Variants in COL14A1 observed in about 807,000 individuals in gnomAD.
COL14A1 encodes the protein collagen alpha-1(XIV) chain.
Under a neutral mutation model 230.3 loss-of-function variants are expected in COL14A1, and 136 were observed. The ratio of observed to expected loss-of-function variants is 0.59; its 90% CI spans 0.51 to 0.68. The LOEUF (loss-of-function observed/expected upper bound fraction) is 0.68, where lower values mean the gene tolerates loss of function less well. COL14A1 is among the 30% of genes least tolerant of loss of function. The pLI, the probability that COL14A1 is intolerant of heterozygous loss-of-function variation, is 0.00. For missense variants in COL14A1, 1,976 were observed against 2,215.8 expected (o/e 0.89, Z 2.17); for synonymous variants, 792 against 784.1 (o/e 1.01, Z -0.17).
chr8:120,341,636 A>C (rs953065773), intron 43 of COL14A1, among the ~76,000 whole-genome samples: 1 of 152,188 alleles, frequency 6.6e-6, no homozygotes, highest in Non-Finnish European at 1.5e-5. Flanking sequence ...AAATGGAGAG[A>C]ATCACCGTCA....
At chr8:120,341,216 A>G in intron 42 of COL14A1, 109 bp from the exon 43 acceptor site, 1 of 1,067,356 alleles carries the variant, frequency 9.4e-7, no homozygotes, top group Non-Finnish European at 1.4e-6. Flanking sequence ...TTGCTGCAGA[A>G]TTACTGGTGC....
At chr8:120,291,010 G>A (rs1426636125) in intron 34 of COL14A1, among the ~76,000 whole-genome samples, 1 of 152,156 alleles carries the variant, frequency 6.6e-6, no homozygotes, top group Admixed American at 6.6e-5. Context: ...GAAAGCTATG[G>A]AAGGCTCTCT....
At chr8:120,327,486 C>A (rs1821718108) in intron 40 of COL14A1, among the ~76,000 whole-genome samples, 1 of 152,190 alleles carries the variant, frequency 6.6e-6, no homozygotes, top group African/African-American at 2.4e-5. Flanking sequence ...CTTCCAAGAA[C>A]CCTCCTGCAA....
chr8:120,165,832 C>T (rs1015578369), intron 4 of COL14A1, among the ~76,000 whole-genome samples: 1 of 152,134 alleles, frequency 6.6e-6, no homozygotes, highest in Non-Finnish European at 1.5e-5. Flanking sequence ...ACATGGTATG[C>T]CTGGAGGCCA....
Position 120,297,584 on chromosome 8 carries a change from G to T in COL14A1, c.4310G>T (p.Gly1437Val), listed in dbSNP as rs761262263. The change falls in exon 35 of 48, where the codon GGC (glycine) becomes GTC (valine). Residue 1437 changes from glycine (G) to valine (V), a missense_variant. Around this residue, in one of 3 missense-constraint regions of COL14A1, gnomAD observed 1,791 missense variants for 2,019.5 expected, o/e 0.89. Transcript: ENST00000297848. ...ANTDKCCELP[G>V]LRDDESCPDL... is the part of the protein sequence containing the mutation. ...ACAGACAAATGCTGTGAACTTCCAG[G>T]CCTGGTAAGAATTCTTCCTTCATTT... is the stretch of plus-strand genomic sequence containing the variant. The T allele has an allele frequency of 7.2e-7, 1 of 1,386,252 alleles. No individual in the cohort carries two copies. Among genetic ancestry groups the T allele is most frequent in the Non-Finnish European group, 9.4e-7 (1 of 1,062,674 alleles). 85.9% of individuals were successfully genotyped at this position (1,386,252 alleles called of 1,614,324 possible).
Position 120,310,013 on chromosome 8 carries a change from G to A in COL14A1, c.4406G>A (p.Gly1469Asp). Residue 1469 changes from glycine to aspartate, a missense_variant, in exon 37 of 48, where the codon GGT becomes GAT. Coordinates refer to ENST00000297848, the MANE Select transcript of COL14A1 (RefSeq NM_021110.4). Reference sequence around the variant, plus strand: ...TACTTAACATCTGTTTGCCAGGGTGGTCCAGGACTCCGAGGACCAAAGGGC... The same window carrying A: ...TACTTAACATCTGTTTGCCAGGGTGATCCAGGACTCCGAGGACCAAAGGGC... ...VALGPAGPPG[G>D]PGLRGPKGQQ... 6.2e-7 allele frequency: 1 copy of A among 1,613,776 alleles called. No homozygotes were observed. The highest frequency in any genetic ancestry group is 8.5e-7 in the Non-Finnish European group (1 of 1,179,830).
At position 120,209,698 on chromosome 8, in the gene COL14A1, A is replaced by G. The variant is rs942420370; in HGVS notation, c.1322-58A>G. The stretch of plus-strand genomic sequence containing the variant: ...GTCAATCTTATTTCTTGATAATTTC[A>G]TTTTTCTCAAGGACACATATATAAG... On this transcript the variant is annotated intron_variant, in intron 11 of 47. Coordinates refer to ENST00000297848, the MANE Select transcript of COL14A1 (RefSeq NM_021110.4). The G allele has an allele frequency of 2.0e-5, 30 of 1,492,250 alleles. No individual in the cohort carries two copies. In the African/African-American group the frequency reaches 3.4e-4, roughly 17 times the overall value. The allele number at this position is 1,492,250 out of a possible 1,614,324, so 92.4% of individuals were successfully genotyped here.
At chr8:120,137,751 G>A (rs537575888) in intron 1 of COL14A1, among the ~76,000 whole-genome samples, 1 of 148,806 alleles carries the variant, frequency 6.7e-6, no homozygotes, top group Non-Finnish European at 1.5e-5. Context: ...CAAATATTTT[G>A]AATTTATAAA....
intron 40 of COL14A1, among the ~76,000 whole-genome samples, chr8:120,321,297 G>A (rs1821431065): frequency 6.6e-6 from 1 of 152,092 alleles, no homozygotes; most frequent in African/African-American, 2.4e-5. Context: ...GCACATCTGA[G>A]AAGAGAACAG....
At chr8:120,200,872 G>A (rs1487263395) in intron 8 of COL14A1, among the ~76,000 whole-genome samples, 1 of 150,670 alleles carries the variant, frequency 6.6e-6, no homozygotes, top group Non-Finnish European at 1.5e-5. Context: ...TGGAAACTAT[G>A]ATGTTCCCTC....
At chr8:120,292,588 C>T (rs1820405692) in intron 34 of COL14A1, among the ~76,000 whole-genome samples, 1 of 152,046 alleles carries the variant, frequency 6.6e-6, no homozygotes, top group Non-Finnish European at 1.5e-5. Context: ...AGAGAAGTCT[C>T]AGTTTTCAAT....
chr8:120,366,739 C>G (rs1823416759), intron 45 of COL14A1, among the ~76,000 whole-genome samples: 1 of 152,194 alleles, frequency 6.6e-6, no homozygotes, highest in Non-Finnish European at 1.5e-5. Flanking sequence ...ATGTTGCTGC[C>G]TAATTACAAT....
At chr8:120,263,175 A>C (rs2129771103) in intron 24 of COL14A1, among the ~76,000 whole-genome samples, 161 bp downstream of exon 24, 1 of 152,304 alleles carries the variant, frequency 6.6e-6, no homozygotes, top group South Asian at 2.1e-4. Context: ...AATTCATTGC[A>C]TATGGCCCAC....
chr8:120,184,296 C>A (rs1425443449), intron 5 of COL14A1, among the ~76,000 whole-genome samples: 1 of 150,042 alleles, frequency 6.7e-6, no homozygotes, highest in Non-Finnish European at 1.5e-5. Flanking sequence ...GCTCTGTCGC[C>A]CAGGCTGGAG....
At chr8:120,132,340 T>G (rs990516679) in intron 1 of COL14A1, among the ~76,000 whole-genome samples, 10 of 152,224 alleles carry the variant, frequency 6.6e-5, no homozygotes, top group Admixed American at 6.5e-4. Flanking sequence ...CTTGTTTTTG[T>G]TGACATTGTT....
intron 5 of COL14A1, among the ~76,000 whole-genome samples, chr8:120,187,991 C>T (rs1490731368): frequency 6.6e-6 from 1 of 152,130 alleles, no homozygotes; most frequent in Non-Finnish European, 1.5e-5. Flanking sequence ...TGTATGCCAT[C>T]CTTTCTGACT....
chr8:120,261,328 G>T (rs1215121202), intron 23 of COL14A1, among the ~76,000 whole-genome samples: 2 of 152,020 alleles, frequency 1.3e-5, no homozygotes, highest in African/African-American at 4.8e-5. Context: ...TTTAAATTGG[G>T]AATAATTATA....
intron 45 of COL14A1, among the ~76,000 whole-genome samples, chr8:120,351,135 C>T (rs1413368998): frequency 2.1e-5 from 3 of 142,474 alleles, no homozygotes; most frequent in Admixed American, 7.0e-5. Context: ...TCCTGAATGA[C>T]TACTGGGTAC....
chr8:120,212,866 G>A lies in COL14A1; in HGVS notation c.1597+289G>A, dbSNP rs113485685. Among the ~76,000 whole-genome samples, 285 of 152,078 alleles carry A rather than the reference G, an allele frequency of 1.9e-3. 2 individuals are homozygous for A. Among genetic ancestry groups the A allele is most frequent in the African/African-American group, 6.5e-3 (269 of 41,448 alleles). ...ATCTAGAGGGAAGAGTGTAGGCTTT[G>A]CAAGATAGCAGCTGAGATGGGAATC... On this transcript the variant is annotated intron_variant, in intron 13 of 47. Transcript: ENST00000297848.
Sources: allele counts gnomAD v4.1 joint callset (sites outside exome capture counted in the v4.1 genomes callset), GRCh38; gene constraint gnomAD v4.1.1; regional missense constraint gnomAD v4.1.1; transcripts MANE v1.5; gene names NCBI Gene and HGNC (gene_info 2026-07-23, HGNC 2026-07-21).